NKAIN3: variants seen among roughly 807,000 people sequenced by gnomAD.
NKAIN3 encodes the protein sodium/potassium transporting ATPase interacting 3, also known as sodium/potassium-transporting ATPase subunit beta-1-interacting protein 3.
A neutral mutation model predicts 30.2 loss-of-function variants in NKAIN3; 25 were observed. That is an observed-to-expected ratio of 0.83 (90% confidence interval 0.60 to 1.16). The LOEUF is 1.16. NKAIN3 is among the 50% of genes most tolerant of loss of function. NKAIN3 has a pLI of 0.00. For missense variants in NKAIN3, 225 were observed against 254.1 expected (o/e 0.89, Z 0.78); for synonymous variants, 91 against 89.6 (o/e 1.02, Z -0.09).
At chr8:62,400,329 G>A (rs1477928087) in intron 1 of NKAIN3, among the ~76,000 whole-genome samples, 1 of 151,766 alleles carries the variant, frequency 6.6e-6, no homozygotes, top group African/African-American at 2.4e-5. Flanking sequence ...GCACCACCAT[G>A]CCCAGCTAAT....
intron 1 of NKAIN3, among the ~76,000 whole-genome samples, chr8:62,321,746 G>A (rs1464729502): frequency 6.6e-6 from 1 of 152,174 alleles, no homozygotes; most frequent in African/African-American, 2.4e-5. Flanking sequence ...CCTACTGGGG[G>A]GTGCCTCCCA....
At chr8:62,666,378 A>G (rs1386629021) in intron 3 of NKAIN3, among the ~76,000 whole-genome samples, 1 of 152,216 alleles carries the variant, frequency 6.6e-6, no homozygotes, top group Non-Finnish European at 1.5e-5. Flanking sequence ...AAGTAAAAAC[A>G]GAATTATCTT....
At position 62,589,738 on chromosome 8, in the gene NKAIN3, G is replaced by A. The variant is rs758766040; in HGVS notation, c.217G>A (p.Val73Ile). 2.5e-6 allele frequency: 4 copies of A among 1,602,568 alleles called. No homozygotes were observed. The African/African-American group carries it at 4.0e-5, about 16-fold the overall frequency. Residue 73 changes from valine to isoleucine, a missense_variant, in exon 3 of 7, where the codon GTC becomes ATC. Coordinates refer to ENST00000623646, the MANE Select transcript of NKAIN3 (RefSeq NM_001304533.3). ...GTATACAGTGTGGACTGCCCTCTGG[G>A]TCACCTGGAATGTGTTCATTATCTG... ...MVYTVWTALWVTWNVFIICFY... is the reference protein window; with the variant it reads ...MVYTVWTALWITWNVFIICFY...
chr8:62,504,547 C>T (rs975844121), intron 1 of NKAIN3, among the ~76,000 whole-genome samples: 1 of 152,076 alleles, frequency 6.6e-6, no homozygotes, highest in Non-Finnish European at 1.5e-5. Context: ...TAGAGTCCAC[C>T]CTTAGCTGTC....
At chr8:62,582,818 A>T (rs936698320) in intron 2 of NKAIN3, among the ~76,000 whole-genome samples, 21 of 121,348 alleles carry the variant, frequency 1.7e-4, no homozygotes, top group African/African-American at 5.9e-4. Context: ...AGTAAATGGC[A>T]GTGAAGAGGA....
intron 6 of NKAIN3, among the ~76,000 whole-genome samples, chr8:62,964,533 AGAGAGTGT>A (rs1463339031): frequency 9.3e-5 from 10 of 107,014 alleles, no homozygotes; most frequent in African/African-American, 3.0e-4. Flanking sequence ...AGAGAGAGAG[AGAGAGTGT>A]GTGTGTGTGT....
intron 1 of NKAIN3, among the ~76,000 whole-genome samples, chr8:62,377,882 T>C (rs1817144166): frequency 1.3e-5 from 2 of 152,142 alleles, no homozygotes; most frequent in Non-Finnish European, 2.9e-5. Context: ...TATTGCTTCA[T>C]AGTGATGTGA....
rs1267382750 is a variant in NKAIN3, at chr8:62,359,017, T to TA, written c.54+109898dup. 1.1e-4 allele frequency among the ~76,000 whole-genome samples: 17 copies of TA among 151,734 alleles called. No individual in the cohort carries two copies. In the East Asian group the frequency reaches 1.9e-3, roughly 17 times the overall value. ...TAACACGGTGAAACCCTGTCTCTACTAAAAAAAATACAAAAAATTAGCTGG... is the reference window on the plus strand; with the variant it reads ...TAACACGGTGAAACCCTGTCTCTACTAAAAAAAAATACAAAAAATTAGCTGG... On this transcript the variant is annotated intron_variant, in intron 1 of 6. Coordinates refer to ENST00000623646, the MANE Select transcript of NKAIN3 (RefSeq NM_001304533.3).
chr8:62,952,572 T>G (rs914648156), intron 5 of NKAIN3, among the ~76,000 whole-genome samples: 4 of 152,210 alleles, frequency 2.6e-5, no homozygotes, highest in Non-Finnish European at 2.9e-5. Context: ...TAAATCAACC[T>G]AAGTTTCTTA....
chr8:62,533,098 A>G (rs1808536965), intron 1 of NKAIN3, among the ~76,000 whole-genome samples: 1 of 152,180 alleles, frequency 6.6e-6, no homozygotes, highest in African/African-American at 2.4e-5. Flanking sequence ...TACATAAAAT[A>G]TACAATAGTG....
At chr8:62,644,309 C>T (rs772907370) in intron 3 of NKAIN3, among the ~76,000 whole-genome samples, 59 of 152,070 alleles carry the variant, frequency 3.9e-4, no homozygotes, top group Non-Finnish European at 6.8e-4. Flanking sequence ...CAAAGGTCTC[C>T]TCAAAATATC....
chr8:62,757,464 C>T (rs555661014), intron 4 of NKAIN3, among the ~76,000 whole-genome samples: 3 of 152,244 alleles, frequency 2.0e-5, no homozygotes, highest in East Asian at 1.9e-4. Flanking sequence ...AGCTCAGAGA[C>T]GCAAGGATGG....
chr8:62,439,597 A>G (rs1805267103), intron 1 of NKAIN3, among the ~76,000 whole-genome samples: 1 of 152,214 alleles, frequency 6.6e-6, no homozygotes, highest in South Asian at 2.1e-4. Context: ...TTTCTATGTC[A>G]GACTTAGCAA....
chr8:62,601,987 G>T (rs1358353397), intron 3 of NKAIN3, among the ~76,000 whole-genome samples: 1 of 151,834 alleles, frequency 6.6e-6, no homozygotes, highest in East Asian at 1.9e-4. Flanking sequence ...CACAAGCAAG[G>T]TTAAGCTCAG....
chr8:62,683,476 C>T (rs920222537), intron 3 of NKAIN3, among the ~76,000 whole-genome samples: 2 of 152,124 alleles, frequency 1.3e-5, no homozygotes, highest in Non-Finnish European at 2.9e-5. Flanking sequence ...ATTATTAGCT[C>T]TTTATGTGCA....
At chr8:62,305,410 C>A (rs759629490) in intron 1 of NKAIN3, among the ~76,000 whole-genome samples, 2 of 150,478 alleles carry the variant, frequency 1.3e-5, no homozygotes, top group Non-Finnish European at 2.9e-5. Flanking sequence ...AAAATTGCAA[C>A]AACCTTAACA....
intron 5 of NKAIN3, among the ~76,000 whole-genome samples, chr8:62,953,324 G>A (rs1823335514): frequency 6.6e-6 from 1 of 152,130 alleles, no homozygotes; most frequent in Admixed American, 6.5e-5. Context: ...TTGAGGCTTT[G>A]ATCAAAACCA....
rs1046213490 is a variant in NKAIN3, at chr8:62,738,491, C to T, written c.274-8441C>T. ...GCATGTGCCTGTAATCCCAGCTACTCGGGAGGCAGAGACAGGAGAATTGCT... is the reference window on the plus strand; with the variant it reads ...GCATGTGCCTGTAATCCCAGCTACTTGGGAGGCAGAGACAGGAGAATTGCT... On this transcript the variant is annotated intron_variant, in intron 3 of 6. Transcript: ENST00000623646. Among the ~76,000 whole-genome samples, 24 of 150,348 alleles carry T rather than the reference C, an allele frequency of 1.6e-4. No homozygotes were observed. The East Asian group carries it at 1.8e-3, about 11-fold the overall frequency.
chr8:62,668,439 T>C (rs1290324211), intron 3 of NKAIN3, among the ~76,000 whole-genome samples: 1 of 152,188 alleles, frequency 6.6e-6, no homozygotes, highest in East Asian at 1.9e-4. Context: ...TTTTTTGAAT[T>C]TAGAACTTAG....
Sources: allele counts gnomAD v4.1 joint callset (sites outside exome capture counted in the v4.1 genomes callset), GRCh38; gene constraint gnomAD v4.1.1; transcripts MANE v1.5; gene names NCBI Gene and HGNC (gene_info 2026-07-23, HGNC 2026-07-21).